The following OPCML variants were observed in gnomAD, a reference collection of about 807,000 sequenced individuals.
The protein encoded by OPCML is opioid binding protein/cell adhesion molecule like.
A neutral mutation model predicts 37.8 loss-of-function variants in OPCML; 13 were observed. The observed-to-expected ratio is 0.34, with a 90% CI of 0.22 to 0.55. The LOEUF is 0.55. Among genes scored for constraint, OPCML ranks in the 20% least tolerant of loss-of-function variants. The pLI is 0.91. For missense variants in OPCML, 341 were observed against 435.6 expected, an observed-to-expected ratio of 0.78 and a Z score of 1.93; for synonymous variants, 176 against 168.8, an observed-to-expected ratio of 1.04 and a Z score of -0.33.
intron 1 of OPCML, among the ~76,000 whole-genome samples, chr11:133,013,818 TC>T (rs1415791317): frequency 1.3e-5 from 2 of 152,192 alleles, no homozygotes; most frequent in African/African-American, 4.8e-5. Flanking sequence ...AGTGCTATAA[TC>T]AATTCCAATT....
intron 2 of OPCML, among the ~76,000 whole-genome samples, chr11:132,692,611 C>G (rs564084136): frequency 6.6e-6 from 1 of 152,266 alleles, no homozygotes; most frequent in Admixed American, 6.5e-5. Flanking sequence ...AAATAAACCA[C>G]AGAAACATTT....
chr11:133,061,407 A>AGGGAAGT (rs927194267), intron 1 of OPCML, among the ~76,000 whole-genome samples: 1 of 152,192 alleles, frequency 6.6e-6, no homozygotes, highest in Non-Finnish European at 1.5e-5. Flanking sequence ...TATGGGGAGA[A>AGGGAAGT]GGGAAGTGGG....
chr11:132,428,365 CAACA>C (rs2095984606), intron 7 of OPCML, among the ~76,000 whole-genome samples: 2 of 152,132 alleles, frequency 1.3e-5, no homozygotes, highest in South Asian at 4.1e-4. Context: ...TTTATTAATT[CAACA>C]AACAGTTACT....
At chr11:133,352,369 C>A (rs1266095231) in intron 1 of OPCML, among the ~76,000 whole-genome samples, 1 of 152,176 alleles carries the variant, frequency 6.6e-6, no homozygotes, top group Admixed American at 6.5e-5. Context: ...CTCTTCTTGG[C>A]CGGGAATGCT....
chr11:132,600,212 T>G (rs554846357), intron 3 of OPCML, among the ~76,000 whole-genome samples: 1 of 152,282 alleles, frequency 6.6e-6, no homozygotes, highest in East Asian at 1.9e-4. Context: ...AGCTTAATGG[T>G]GCTCTGTTCT....
intron 1 of OPCML, among the ~76,000 whole-genome samples, chr11:133,126,161 T>C (rs1949511909): frequency 6.6e-6 from 1 of 151,880 alleles, no homozygotes; most frequent in Non-Finnish European, 1.5e-5. Flanking sequence ...CACGTTCTGT[T>C]GGAGAACCAG....
chr11:133,006,516 A>G (rs1348639739), intron 1 of OPCML: 3 of 985,458 alleles, frequency 3.0e-6, no homozygotes, highest in Admixed American at 6.1e-5. Flanking sequence ...CTTGTTTTTC[A>G]GTTACCCCAA....
At chr11:133,215,339 A>G (rs1259822424) in intron 1 of OPCML, among the ~76,000 whole-genome samples, 1 of 152,186 alleles carries the variant, frequency 6.6e-6, no homozygotes, top group Non-Finnish European at 1.5e-5. Context: ...CATTCTTTTT[A>G]GGAAGAAAAG....
At chr11:132,456,764 T>C (rs1462020259) in intron 4 of OPCML, among the ~76,000 whole-genome samples, 1 of 152,278 alleles carries the variant, frequency 6.6e-6, no homozygotes, top group Non-Finnish European at 1.5e-5. Flanking sequence ...TATTATTGTC[T>C]ATTGAGTATT....
chr11:133,447,499 T>C (rs1946496455), intron 1 of OPCML, among the ~76,000 whole-genome samples: 1 of 152,214 alleles, frequency 6.6e-6, no homozygotes, highest in Non-Finnish European at 1.5e-5. Flanking sequence ...CAATAGTTCA[T>C]TTTCAGCCCT....
intron 2 of OPCML, among the ~76,000 whole-genome samples, chr11:132,700,625 C>T (rs1262842951): frequency 6.6e-6 from 1 of 152,130 alleles, no homozygotes; most frequent in Non-Finnish European, 1.5e-5. Context: ...TCTAGTTTTG[C>T]ACCATTGTGG....
intron 1 of OPCML, among the ~76,000 whole-genome samples, chr11:133,035,316 T>C (rs1947757741): frequency 6.6e-6 from 1 of 152,198 alleles, no homozygotes; most frequent in African/African-American, 2.4e-5. Flanking sequence ...TGCATGTTCA[T>C]GGATCTCTCC....
At chr11:133,114,353 CT>C (rs1555096576) in intron 1 of OPCML, among the ~76,000 whole-genome samples, 1 of 151,760 alleles carries the variant, frequency 6.6e-6, no homozygotes, top group Non-Finnish European at 1.5e-5. Context: ...TCTGACGTCT[CT>C]TTTTTTTCTT....
At chr11:132,585,207 C>T (rs912362747) in intron 3 of OPCML, among the ~76,000 whole-genome samples, 4 of 151,982 alleles carry the variant, frequency 2.6e-5, no homozygotes, top group Non-Finnish European at 4.4e-5. Context: ...CTGTCTCATT[C>T]GTGAATGGAC....
intron 7 of OPCML, among the ~76,000 whole-genome samples, chr11:132,428,854 G>A (rs970267035): frequency 3.3e-5 from 5 of 152,174 alleles, no homozygotes; most frequent in Admixed American, 6.5e-5. Context: ...GCTGACACTC[G>A]ATAGCTGGCA....
intron 1 of OPCML, among the ~76,000 whole-genome samples, chr11:133,509,598 G>A (rs191973065): frequency 6.8e-4 from 103 of 152,180 alleles, no homozygotes; most frequent in African/African-American, 2.3e-3. Flanking sequence ...CACTTCCTAT[G>A]ACAACTCTCA....
At chr11:132,994,271 G>A (rs1048915713) in intron 1 of OPCML, among the ~76,000 whole-genome samples, 1 of 152,174 alleles carries the variant, frequency 6.6e-6, no homozygotes, top group Non-Finnish European at 1.5e-5. Flanking sequence ...TTTTACGGCC[G>A]GAACTCGGGC....
chr11:132,698,614 G>T (rs923180079), intron 2 of OPCML, among the ~76,000 whole-genome samples: 1 of 151,948 alleles, frequency 6.6e-6, no homozygotes, highest in Admixed American at 6.6e-5. Flanking sequence ...TATTTTATTT[G>T]CTGTATATGT....
At chr11:133,355,172 C>T (rs1944255091) in intron 1 of OPCML, among the ~76,000 whole-genome samples, 1 of 152,188 alleles carries the variant, frequency 6.6e-6, no homozygotes, top group Admixed American at 6.5e-5. Flanking sequence ...AAGTCGATGC[C>T]AATGACTTTT....
Sources: allele counts gnomAD v4.1 joint callset (sites outside exome capture counted in the v4.1 genomes callset), GRCh38; gene constraint gnomAD v4.1.1; transcripts MANE v1.5; gene names NCBI Gene and HGNC (gene_info 2026-07-23, HGNC 2026-07-21).